BIRC2: variants seen among roughly 807,000 people sequenced by gnomAD.
BIRC2 encodes baculoviral IAP repeat containing 2.
Under a neutral mutation model 60.9 loss-of-function variants are expected in BIRC2, and 18 were observed. That is an observed-to-expected ratio of 0.30 (90% CI 0.20 to 0.44). The LOEUF (loss-of-function observed/expected upper bound fraction) is 0.44, where lower values mean the gene tolerates loss of function less well. Ranked by LOEUF, BIRC2 falls within the 20% of genes least tolerant of loss-of-function variation. The pLI is 1.00. For missense variants in BIRC2, 701 were observed against 728.5 expected (o/e 0.96, Z 0.43); for synonymous variants, 282 against 247.7 (o/e 1.14, Z -1.30).
chr11:102,377,405 A>G, intron 6 of BIRC2, 91 bp from the exon 7 acceptor site: 1 of 1,183,342 alleles, frequency 8.5e-7, no homozygotes, highest in Admixed American at 2.8e-5. Flanking sequence ...TTAGTGCCTA[A>G]ATTGTTTGTA....
intron 8 of BIRC2, 30 bp from the exon 9 acceptor site, chr11:102,377,960 A>C: frequency 6.3e-7 from 1 of 1,599,600 alleles, no homozygotes; most frequent in African/African-American, 1.4e-5. Context: ...AAGTGGAAAC[A>C]ATTTCACTAA....
In BIRC2 at chr11:102,350,353, G is replaced by GACA; in HGVS notation, c.500_501insCAA (p.Glu167delinsAspLys). ...AAACCCTCTTAATTCTAGAGCAGTT[G>GACA]AAGACATCTCTTCATCGAGGACTAA... On this transcript the variant is annotated protein_altering_variant, in exon 2 of 9. Coordinates refer to ENST00000227758, the MANE Select transcript of BIRC2 (RefSeq NM_001166.5). The GACA allele has an allele frequency of 6.2e-7, 1 of 1,614,204 alleles. No homozygotes were observed.
At chr11:102,368,697 C>A in intron 6 of BIRC2, 149 bp downstream of exon 6, 1 of 1,109,396 alleles carries the variant, frequency 9.0e-7, no homozygotes, top group Non-Finnish European at 1.3e-6. Context: ...CTTTTCTACC[C>A]CTTTCAATTG....
In BIRC2 at chr11:102,363,818, A is replaced by G. The variant is rs1951512981; in HGVS notation, c.1123+102A>G. On this transcript the variant is annotated intron_variant, in intron 5 of 8. Coordinates refer to ENST00000227758, the MANE Select transcript of BIRC2 (RefSeq NM_001166.5). ...ATGCCTGTAATCCCAACACTTTGAGAGGCCGAGGTTGACAGATCACCTGAG... is the reference window on the plus strand; with the variant it reads ...ATGCCTGTAATCCCAACACTTTGAGGGGCCGAGGTTGACAGATCACCTGAG... 8.1e-6 allele frequency: 7 copies of G among 864,192 alleles called. No homozygotes were observed. In the South Asian group the frequency reaches 9.8e-5, roughly 12 times the overall value. The allele number at this position is 864,192 out of a possible 1,614,324, so 53.5% of individuals were successfully genotyped here. A position where few individuals can be genotyped will look rare whatever the true frequency, so the allele number is the denominator to read the frequency against.
At chr11:102,363,644 A>G (rs768636149) in intron 4 of BIRC2, 24 bp from the exon 5 acceptor site, 11 of 1,600,692 alleles carry the variant, frequency 6.9e-6, no homozygotes, top group African/African-American at 4.0e-5. Flanking sequence ...GCTTTTACCT[A>G]TTAACTTTTC....
chr11:102,371,620 AAAAT>A (rs1951632556), intron 6 of BIRC2, among the ~76,000 whole-genome samples: 1 of 148,304 alleles, frequency 6.7e-6, no homozygotes, highest in Non-Finnish European at 1.5e-5. Context: ...ATATTGGTCT[AAAAT>A]TCTCTTTTTT....
At chr11:102,373,133 T>A (rs1160731069) in intron 6 of BIRC2, among the ~76,000 whole-genome samples, 1 of 151,122 alleles carries the variant, frequency 6.6e-6, no homozygotes, top group Non-Finnish European at 1.5e-5. Context: ...TTTGCCAGTC[T>A]GTGTCTTTTA....
At position 102,375,642 on chromosome 11, in the gene BIRC2, T is replaced by C. The variant is rs537282893; in HGVS notation, c.1367-1854T>C. Among the ~76,000 whole-genome samples the C allele has an allele frequency of 2.0e-5, 3 of 152,140 alleles. No individual in the cohort carries two copies. The South Asian group carries it at 6.2e-4, about 32-fold the overall frequency. ...AAAAATACAAAAAATTAGCCGGGCA[T>C]GGTGGCGGATGCCTGTAGTCCCAGC... On this transcript the variant is annotated intron_variant, in intron 6 of 8. Coordinates refer to ENST00000227758, the MANE Select transcript of BIRC2 (RefSeq NM_001166.5).
At chr11:102,364,139 T>TTATATATATATATATATATATATATA (rs371707721) in intron 5 of BIRC2, among the ~76,000 whole-genome samples, 7 of 61,404 alleles carry the variant, frequency 1.1e-4, no homozygotes, top group East Asian at 9.7e-4. Context: ...CTAATAAATA[T>TTATATATATATATATATATATATATA]TATATATATA....
intron 6 of BIRC2, among the ~76,000 whole-genome samples, chr11:102,369,145 AT>A (rs35187247): frequency 0.52 from 77,458 of 149,494 alleles, 21,282 homozygotes; most frequent in Non-Finnish European, 0.63. Flanking sequence ...CCTTCAATAA[AT>A]TTTTTTTTTT....
chr11:102,372,228 TCTTG>T (rs1341148855), intron 6 of BIRC2, among the ~76,000 whole-genome samples: 1 of 152,236 alleles, frequency 6.6e-6, no homozygotes, highest in Non-Finnish European at 1.5e-5. Context: ...ATGTGTTTGC[TCTTG>T]CTTCTCTAGT....
intron 5 of BIRC2, among the ~76,000 whole-genome samples, chr11:102,364,166 TATATATATACAC>T (rs1426862876): frequency 1.2e-5 from 1 of 84,062 alleles, no homozygotes; most frequent in South Asian, 3.5e-4. Flanking sequence ...TATATATATA[TATATATATACAC>T]ACACACACAG....
At chr11:102,348,310 G>A (rs1326398774) in intron 1 of BIRC2, 1 of 153,082 alleles carries the variant, frequency 6.5e-6, no homozygotes, top group Non-Finnish European at 1.5e-5. Flanking sequence ...GGCCAGAAAA[G>A]GGGAGGAGAG....
intron 5 of BIRC2, among the ~76,000 whole-genome samples, chr11:102,367,858 G>C (rs935802484): frequency 6.8e-4 from 103 of 152,194 alleles, no homozygotes; most frequent in African/African-American, 2.4e-3. Context: ...TCTAGACCCT[G>C]TCCATCCTTC....
Position 102,348,897 on chromosome 11 carries a change from A to G in BIRC2, c.-958A>G, listed in dbSNP as rs1229829992. 5.4e-6 allele frequency: 1 copy of G among 184,458 alleles called. No homozygotes were observed. The highest frequency in any genetic ancestry group is 1.7e-4 in the East Asian group (1 of 5,720). 11.4% of individuals were successfully genotyped at this position (184,458 alleles called of 1,614,324 possible). A position where few individuals can be genotyped will look rare whatever the true frequency, so the allele number is the denominator to read the frequency against. On this transcript the variant is annotated 5_prime_UTR_variant, in exon 2 of 9. The change abolishes an upstream ATG in the 5' untranslated region. Transcript: ENST00000227758. ...TGATAAATTGATTAATGTTTACAAC[A>G]TGACTGATAATTATAGCTGAATAGT...
intron 3 of BIRC2, among the ~76,000 whole-genome samples, chr11:102,354,282 T>G (rs749071947): frequency 2.6e-5 from 4 of 152,210 alleles, no homozygotes; most frequent in Non-Finnish European, 5.9e-5. Context: ...CCATCTAGGC[T>G]CACTGCAATC....
chr11:102,367,284 A>G (rs1951564069), intron 5 of BIRC2, among the ~76,000 whole-genome samples: 2 of 150,794 alleles, frequency 1.3e-5, no homozygotes, highest in East Asian at 1.9e-4. Context: ...TCCATTCCCT[A>G]TTGAGAGCTA....
chr11:102,355,556 GT>G (rs985135352), intron 3 of BIRC2, among the ~76,000 whole-genome samples: 1 of 151,478 alleles, frequency 6.6e-6, no homozygotes, highest in Non-Finnish European at 1.5e-5. Flanking sequence ...GCCTCCAGTT[GT>G]TTTTTTTGTT....
chr11:102,374,181 C>T (rs548837867), intron 6 of BIRC2, among the ~76,000 whole-genome samples: 1 of 151,454 alleles, frequency 6.6e-6, no homozygotes, highest in East Asian at 1.9e-4. Flanking sequence ...CAAAGTCATT[C>T]TCCATCCAGC....
Sources: gnomAD v4.1 joint callset for allele counts (sites outside exome capture counted in the v4.1 genomes callset) on GRCh38, gnomAD v4.1.1 for gene constraint, MANE v1.5 for transcripts, NCBI Gene and HGNC (gene_info 2026-07-23, HGNC 2026-07-21) for gene names.